MSI1: variants seen among roughly 807,000 people sequenced by gnomAD.
The protein encoded by MSI1 is musashi RNA binding protein 1.
A neutral mutation model predicts 54.4 loss-of-function variants in MSI1; 15 were observed. That is an observed-to-expected ratio of 0.28 (90% CI 0.18 to 0.42). MSI1 has a LOEUF of 0.42. MSI1 is among the 20% of genes least tolerant of loss of function. The probability of loss-of-function intolerance (pLI) is 1.00; values close to 1 mark genes in which losing one functional copy is unlikely to be tolerated. For synonymous variants in MSI1, 200 were observed against 196.5 expected (o/e 1.02, Z -0.15); for missense variants, 304 against 506.0 (o/e 0.60, Z 3.83).
At chr12:120,353,147 G>A (rs1874782620) in intron 10 of MSI1, 152 bp downstream of exon 10, 3 of 749,390 alleles carry the variant, frequency 4.0e-6, no homozygotes, top group Non-Finnish European at 6.8e-6. Flanking sequence ...GGGATGGGTG[G>A]GGAGAGGCCC....
intron 7 of MSI1, among the ~76,000 whole-genome samples, chr12:120,358,759 A>G (rs1479232546): frequency 8.4e-6 from 1 of 119,660 alleles, no homozygotes; most frequent in Non-Finnish European, 1.7e-5. Flanking sequence ...TGGGGGTAGG[A>G]GACTCAGTGG....
rs558393507 is a variant in MSI1, at chr12:120,369,118, G to A, written c.-27C>T. 1,920 of 1,006,628 alleles carry A rather than the reference G, an allele frequency of 1.9e-3. 141 individuals carry two copies. The Admixed American group carries it at 0.11, about 56-fold the overall frequency. 62.4% of individuals were successfully genotyped at this position (1,006,628 alleles called of 1,614,324 possible). On this transcript the variant is annotated 5_prime_UTR_variant, in exon 1 of 15. Transcript: ENST00000257552. ...GGGAGCCGCGGGCGGCGCGGGCAGC[G>A]GAGCGGCGGCGGCGGCGGCGGCGGC...
intron 10 of MSI1, among the ~76,000 whole-genome samples, chr12:120,352,642 T>C (rs1215672561): frequency 1.3e-5 from 2 of 151,454 alleles, no homozygotes; most frequent in Non-Finnish European, 3.0e-5. Flanking sequence ...AGGATGTAAG[T>C]GCTTAGGGGC....
intron 4 of MSI1, among the ~76,000 whole-genome samples, chr12:120,367,725 G>T (rs927267611): frequency 3.3e-5 from 5 of 152,060 alleles, no homozygotes; most frequent in African/African-American, 1.2e-4. Context: ...CTGCTCTGAG[G>T]CATCATGATT....
chr12:120,350,116 G>T (rs1343383533), intron 11 of MSI1, among the ~76,000 whole-genome samples: 2 of 151,926 alleles, frequency 1.3e-5, no homozygotes, highest in Admixed American at 6.6e-5. Context: ...TCACCTCTTG[G>T]GCTCAAACGA....
intron 9 of MSI1, among the ~76,000 whole-genome samples, chr12:120,355,030 C>CA (rs71076610): frequency 0.029 from 1,262 of 44,112 alleles, 204 homozygotes; most frequent in African/African-American, 0.1. Flanking sequence ...CCGTCTCTAC[C>CA]AAAAAAAAAA....
At chr12:120,355,007 A>G (rs1371870419) in intron 9 of MSI1, among the ~76,000 whole-genome samples, 1 of 147,516 alleles carries the variant, frequency 6.8e-6, no homozygotes, top group Non-Finnish European at 1.5e-5. Flanking sequence ...CAGCTGGGCA[A>G]CATAGTGAGA....
chr12:120,359,515 G>A (rs1483417512), intron 6 of MSI1, among the ~76,000 whole-genome samples: 2 of 152,134 alleles, frequency 1.3e-5, no homozygotes, highest in East Asian at 1.9e-4. Flanking sequence ...TCCCCTCTCC[G>A]GCTACAGATC....
At chr12:120,340,672 T>C (rs901833059), downstream of MSI1, among the ~76,000 whole-genome samples, 1 of 149,990 alleles carries the variant, frequency 6.7e-6, no homozygotes, top group African/African-American at 2.5e-5. Context: ...TGTGCCACCA[T>C]ACCTAAATAA....
At position 120,359,071 on chromosome 12, in the gene MSI1, A is replaced by T. The variant is rs1434881033; in HGVS notation, c.403-18T>A. On this transcript the variant is annotated intron_variant, in intron 6 of 14. Transcript: ENST00000257552. ...TCGTCCACCTGAAACACAGCCCGCC[A>T]TGGAGGACCCAGCAGATACCAGCGG... The T allele has an allele frequency of 3.9e-6, 6 of 1,553,518 alleles. No homozygotes were observed. The South Asian group carries it at 7.1e-5, about 18-fold the overall frequency.
intron 5 of MSI1, 108 bp from the exon 6 acceptor site, chr12:120,363,243 G>C: frequency 1.1e-6 from 1 of 877,946 alleles, no homozygotes. Flanking sequence ...GCTCTCTGTG[G>C]CCCCAGCCTC....
In MSI1 at chr12:120,345,750, C is replaced by T. The variant is rs902940926; in HGVS notation, c.1048-118G>A. ...CTGACCTCTCTCTACCTGTCCGGAT[C>T]GCCCCCCTACTGCAGGTCTGCCTAC... On this transcript the variant is annotated intron_variant, in intron 13 of 14. Transcript: ENST00000257552. 61 of 1,253,288 alleles carry T rather than the reference C, an allele frequency of 4.9e-5. 1 individual carries two copies. The highest frequency in any genetic ancestry group is 2.2e-5 in the Non-Finnish European group (19 of 863,742). 77.6% of individuals were successfully genotyped at this position (1,253,288 alleles called of 1,614,324 possible).
intron 12 of MSI1, 100 bp downstream of exon 12, chr12:120,347,346 G>C: frequency 2.3e-6 from 3 of 1,328,036 alleles, no homozygotes; most frequent in Non-Finnish European, 3.2e-6. Context: ...ATGAACAAGT[G>C]TCCCTCTGCA....
intron 4 of MSI1, among the ~76,000 whole-genome samples, chr12:120,366,183 G>A (rs888836296): frequency 6.6e-6 from 1 of 152,154 alleles, no homozygotes; most frequent in African/African-American, 2.4e-5. Context: ...CCAGCCAATC[G>A]CAGGGAAGAT....
At position 120,368,982 on chromosome 12, in the gene MSI1, G is replaced by C. The variant is rs1393082159; in HGVS notation, c.59+51C>G. The C allele has an allele frequency of 8.8e-7, 1 of 1,133,836 alleles. No individual in the cohort carries two copies. Among genetic ancestry groups the C allele is most frequent in the East Asian group, 5.1e-5 (1 of 19,698 alleles). 70.2% of individuals were successfully genotyped at this position (1,133,836 alleles called of 1,614,324 possible). ...GCCCGGCCGGACCCGGATCGGCCAT[G>C]TTGGCGGGGCCGGGGCGGGCGCGGG... On this transcript the variant is annotated intron_variant, in intron 1 of 14. Transcript: ENST00000257552. This position sits in a 1 kb window ranked among gnomAD's most constrained non-coding sequence, Gnocchi z 6.6.
chr12:120,367,027 T>C (rs1052869997), intron 4 of MSI1, among the ~76,000 whole-genome samples: 3 of 152,252 alleles, frequency 2.0e-5, no homozygotes, highest in Middle Eastern at 3.4e-3. Context: ...CCGGCAAAGT[T>C]GAGGCCTGGC....
At chr12:120,352,186 T>C (rs188722847) in intron 10 of MSI1, among the ~76,000 whole-genome samples, 2 of 152,012 alleles carry the variant, frequency 1.3e-5, no homozygotes, top group African/African-American at 4.8e-5. Context: ...CCTGGCTAAC[T>C]TGTAGAGACA....
chr12:120,362,802 G>A (rs1359985298), intron 6 of MSI1, among the ~76,000 whole-genome samples: 1 of 152,160 alleles, frequency 6.6e-6, no homozygotes, highest in African/African-American at 2.4e-5. Flanking sequence ...TACAGTGGAA[G>A]GGCAACAACA....
intron 6 of MSI1, 117 bp downstream of exon 6, chr12:120,362,926 C>A: frequency 1.1e-6 from 1 of 890,012 alleles, no homozygotes; most frequent in Non-Finnish European, 1.8e-6. Context: ...CAGCAGGATC[C>A]AGCCCCACTC....
Sources: gnomAD v4.1 joint callset for allele counts (sites outside exome capture counted in the v4.1 genomes callset) on GRCh38, gnomAD v4.1.1 for gene constraint, Gnocchi (gnomAD v3.1) non-coding constraint, MANE v1.5 for transcripts, NCBI Gene and HGNC (gene_info 2026-07-23, HGNC 2026-07-21) for gene names.